The following TRPM3 variants were observed in gnomAD, a reference collection of about 807,000 sequenced individuals.
The protein encoded by TRPM3 is long transient receptor potential channel 3.
A neutral mutation model predicts 181.2 loss-of-function variants in TRPM3; 77 were observed. That is an observed-to-expected ratio of 0.42 (90% CI 0.35 to 0.51). The LOEUF is 0.51. Among genes scored for constraint, TRPM3 ranks in the 20% least tolerant of loss-of-function variants. The pLI is 0.01. For synonymous variants in TRPM3, 745 were observed against 796.4 expected, an observed-to-expected ratio of 0.94 and a Z score of 1.09; for missense variants, 1,759 against 2,196.7, an observed-to-expected ratio of 0.80 and a Z score of 3.98.
intron 1 of TRPM3, chr9:70,916,982 T>C: frequency 6.6e-7 from 1 of 1,507,274 alleles, no homozygotes; most frequent in South Asian, 1.2e-5. Flanking sequence ...CTGGTATAAT[T>C]GCCTGGAGGA....
At chr9:70,835,076 A>G (rs10868902) in intron 5 of TRPM3, among the ~76,000 whole-genome samples, 80,229 of 151,750 alleles carry the variant, frequency 0.53, 21,847 homozygotes, top group Non-Finnish European at 0.56. Context: ...AAAGAGCCTG[A>G]CATTTCTCTT....
chr9:70,783,201 C>G (rs1011209496), intron 7 of TRPM3, among the ~76,000 whole-genome samples: 6 of 152,034 alleles, frequency 3.9e-5, no homozygotes, highest in African/African-American at 1.4e-4. Flanking sequence ...GTACATGGCA[C>G]CCAGGAAACA....
chr9:71,033,728 T>C (rs1041233994), intron 1 of TRPM3, among the ~76,000 whole-genome samples: 7 of 152,200 alleles, frequency 4.6e-5, no homozygotes, highest in Non-Finnish European at 8.8e-5. Context: ...TGGGGTTGCA[T>C]GGTTTGTTGT....
intron 1 of TRPM3, among the ~76,000 whole-genome samples, chr9:71,416,088 G>A (rs989101050): frequency 6.6e-6 from 1 of 150,394 alleles, no homozygotes; most frequent in African/African-American, 2.4e-5. Context: ...ATATTTAATA[G>A]CATTGTATTT....
chr9:71,176,959 C>A (rs1186977935), intron 1 of TRPM3, among the ~76,000 whole-genome samples: 6 of 152,052 alleles, frequency 3.9e-5, no homozygotes, highest in Non-Finnish European at 8.8e-5. Context: ...CCTGTTAGAA[C>A]TGGGACACAC....
intron 1 of TRPM3, among the ~76,000 whole-genome samples, chr9:71,164,694 T>G (rs1441984947): frequency 3.9e-5 from 6 of 152,130 alleles, no homozygotes; most frequent in Non-Finnish European, 7.4e-5. Context: ...CTAAATTTTA[T>G]TTTCCTGTCA....
At chr9:70,582,004 T>C (rs1443110448) in intron 22 of TRPM3, among the ~76,000 whole-genome samples, 1 of 151,446 alleles carries the variant, frequency 6.6e-6, no homozygotes. Context: ...CCCTTCCTTA[T>C]AGCTGCCTAA....
At chr9:70,554,854 C>G (rs2047268591) in intron 22 of TRPM3, among the ~76,000 whole-genome samples, 1 of 152,134 alleles carries the variant, frequency 6.6e-6, no homozygotes, top group South Asian at 2.1e-4. Flanking sequence ...GCCAAGATGA[C>G]TGGATGCAGA....
At chr9:71,215,058 A>C (rs1218832022) in intron 1 of TRPM3, among the ~76,000 whole-genome samples, 1 of 151,432 alleles carries the variant, frequency 6.6e-6, no homozygotes, top group Non-Finnish European at 1.5e-5. Flanking sequence ...AAAAAAAAAA[A>C]AAAACAACAA....
At chr9:71,354,267 C>T (rs911511952) in intron 1 of TRPM3, among the ~76,000 whole-genome samples, 5 of 152,122 alleles carry the variant, frequency 3.3e-5, no homozygotes, top group Admixed American at 6.6e-5. Context: ...CAAGAAGACT[C>T]GTCCTGTAAT....
rs2064504452 is a variant in TRPM3 at position 70,625,877 on chromosome 9, A to ATAAT, written c.1633-364_1633-361dup. On this transcript the variant is annotated intron_variant, in intron 12 of 25. Coordinates refer to ENST00000677713, the MANE Select transcript of TRPM3 (RefSeq NM_001366145.2). The surrounding 1 kb of genome is among the most constrained non-coding windows in gnomAD (Gnocchi z 4.8). ...CTCCTTTAATACAAAACCTCTATCC[A>ATAAT]TAATTTTAAAAAATTGACACTTTTT... Among the ~76,000 whole-genome samples, 1 of 152,224 alleles carries ATAAT rather than the reference A, an allele frequency of 6.6e-6. No individual in the cohort carries two copies.
chr9:70,840,996 T>A (rs889885634), intron 5 of TRPM3, among the ~76,000 whole-genome samples: 2 of 152,192 alleles, frequency 1.3e-5, no homozygotes, highest in Non-Finnish European at 2.9e-5. Context: ...CATTTCAAAA[T>A]GACTTTTGAA....
At chr9:70,566,380 C>T (rs1160651666) in intron 22 of TRPM3, among the ~76,000 whole-genome samples, 1 of 151,980 alleles carries the variant, frequency 6.6e-6, no homozygotes, top group Admixed American at 6.6e-5. Flanking sequence ...CAAGAAGGTC[C>T]CTGGTCTGGA....
rs1367064967 is a variant in TRPM3, at chr9:70,576,477, TCTTCTCCTCCTC to T, written c.3223+14542_3223+14553del. 1.5e-4 allele frequency among the ~76,000 whole-genome samples: 22 copies of T among 151,232 alleles called. 1 individual carries two copies. Among genetic ancestry groups the T allele is most frequent in the African/African-American group, 5.4e-4 (22 of 40,814 alleles). ...CTGCTGCTATAGATCTTCTTCTTCT[TCTTCTCCTCCTC>T]CTCCTCCTCCTCCTTCTTCTTTTTT... On this transcript the variant is annotated intron_variant, in intron 22 of 25. Transcript: ENST00000677713.
chr9:71,191,782 C>T (rs11142718), intron 1 of TRPM3, among the ~76,000 whole-genome samples: 4,213 of 94,562 alleles, frequency 0.045, 104 homozygotes, highest in Non-Finnish European at 0.064. Context: ...AAAGAAACAA[C>T]AGAACATATA....
intron 9 of TRPM3, 44 bp from the exon 10 acceptor site, chr9:70,640,704 G>C (rs774684088): frequency 1.3e-6 from 2 of 1,502,090 alleles, no homozygotes; most frequent in Non-Finnish European, 1.8e-6. Context: ...GAGAGAAAAC[G>C]ACGATCAGTT....
chr9:70,641,118 G>A (rs1217009151), intron 9 of TRPM3, among the ~76,000 whole-genome samples: 1 of 152,134 alleles, frequency 6.6e-6, no homozygotes, highest in African/African-American at 2.4e-5. Flanking sequence ...CCCCATGTGT[G>A]AAGGGAGGCA....
At chr9:70,758,563 C>A (rs574581578) in intron 8 of TRPM3, among the ~76,000 whole-genome samples, 2 of 152,262 alleles carry the variant, frequency 1.3e-5, no homozygotes, top group South Asian at 4.1e-4. Context: ...AGGCATCACG[C>A]TACCTGGCTT....
chr9:71,202,026 T>C (rs1225799541), intron 1 of TRPM3, among the ~76,000 whole-genome samples: 1 of 152,196 alleles, frequency 6.6e-6, no homozygotes, highest in Non-Finnish European at 1.5e-5. Flanking sequence ...GTCCTTTCTG[T>C]CTGTTAGTTT....
Sources: gnomAD v4.1 joint callset for allele counts (sites outside exome capture counted in the v4.1 genomes callset) on GRCh38, gnomAD v4.1.1 for gene constraint, Gnocchi (gnomAD v3.1) non-coding constraint, MANE v1.5 for transcripts, NCBI Gene and HGNC (gene_info 2026-07-23, HGNC 2026-07-21) for gene names.